The following MYH11 variants were observed in gnomAD, a reference collection of about 807,000 sequenced individuals.
MYH11 encodes myosin heavy chain 11.
Under a neutral mutation model 246.6 loss-of-function variants are expected in MYH11, and 80 were observed. The ratio of observed to expected loss-of-function variants is 0.32; its 90% CI spans 0.27 to 0.39. The LOEUF is 0.39. Ranked by LOEUF, MYH11 falls within the 10% of genes least tolerant of loss-of-function variation. The pLI, the probability that MYH11 is intolerant of heterozygous loss-of-function variation, is 1.00. For missense variants in MYH11, 2,158 were observed against 2,546.8 expected, an observed-to-expected ratio of 0.85 and a Z score of 3.29; for synonymous variants, 1,071 against 1,015.5, an observed-to-expected ratio of 1.05 and a Z score of -1.04.
chr16:15,846,233 C>T (rs2044186842), intron 1 of MYH11, among the ~76,000 whole-genome samples: 1 of 152,148 alleles, frequency 6.6e-6, no homozygotes, highest in African/African-American at 2.4e-5. Flanking sequence ...GCACCTGGCA[C>T]AGTACCTGAC....
At chr16:15,708,935 A>T in intron 40 of MYH11, 1 of 1,283,392 alleles carries the variant, frequency 7.8e-7, no homozygotes, top group Admixed American at 2.0e-5. Flanking sequence ...ATTTGCTTCG[A>T]TTTAATAATT....
chr16:15,726,603 G>A (rs535306189), intron 28 of MYH11: 15 of 583,444 alleles, frequency 2.6e-5, no homozygotes, highest in Admixed American at 1.7e-4. Flanking sequence ...CCTGACCTCA[G>A]GTGATCCACC....
chr16:15,781,920 A>C (rs2042363843), intron 6 of MYH11, among the ~76,000 whole-genome samples: 1 of 152,240 alleles, frequency 6.6e-6, no homozygotes, highest in Non-Finnish European at 1.5e-5. Context: ...GTAGGTACTT[A>C]CTAAGTATTT....
intron 3 of MYH11, among the ~76,000 whole-genome samples, chr16:15,812,259 C>T (rs1490730222): frequency 2.0e-5 from 3 of 152,122 alleles, no homozygotes; most frequent in Non-Finnish European, 4.4e-5. Flanking sequence ...TCTGTTTTCC[C>T]AGCTGTAAAA....
intron 4 of MYH11, among the ~76,000 whole-genome samples, chr16:15,788,891 T>C (rs956961424): frequency 1.7e-4 from 25 of 150,918 alleles, no homozygotes; most frequent in African/African-American, 5.9e-4. Context: ...ACGTTTATAA[T>C]AGCAGCTACT....
At chr16:15,719,015 C>T in intron 36 of MYH11, 1 of 621,838 alleles carries the variant, frequency 1.6e-6, no homozygotes, top group East Asian at 3.0e-5. Context: ...GTAGTCTCAG[C>T]TACTCAGAAG....
In MYH11 at chr16:15,704,108, G is replaced by A; in HGVS notation, c.5802C>T (p.Thr1934=). The part of the protein sequence containing the change: ...LKSKLRRGNE[T]SFVPSRRSGG... ...CAGACCTTCTAGAAGGAACGAAAGA[G>A]GTCTCGTTTCCTCGCCTGTGGGTTG... The change falls in exon 41 of 41, where the codon ACC becomes ACT. Residue 1934 remains threonine (T), a synonymous_variant. Transcript: ENST00000300036. The A allele has an allele frequency of 6.2e-7, 1 of 1,614,004 alleles. No homozygotes were observed. Among genetic ancestry groups the A allele is most frequent in the Non-Finnish European group, 8.5e-7 (1 of 1,179,994 alleles).
At chr16:15,710,435 C>A (rs565944532) in intron 40 of MYH11, among the ~76,000 whole-genome samples, 3 of 152,144 alleles carry the variant, frequency 2.0e-5, no homozygotes, top group Non-Finnish European at 4.4e-5. Flanking sequence ...GCAGGAGAAT[C>A]GCTTGAACCT....
At chr16:15,810,240 G>A (rs561182307) in intron 3 of MYH11, among the ~76,000 whole-genome samples, 2 of 151,778 alleles carry the variant, frequency 1.3e-5, no homozygotes, top group East Asian at 2.0e-4. Context: ...TCACTACATT[G>A]GCCAGGCTGG....
chr16:15,750,081 A>G lies in MYH11; in HGVS notation c.2058+57T>C, dbSNP rs1476857394. Reference sequence around the variant, plus strand: ...CAGAGGGCGCCCTGGGGACGCTGTGACCGCTTGGGACAGCCCTGGCTTCTG... The same window carrying G: ...CAGAGGGCGCCCTGGGGACGCTGTGGCCGCTTGGGACAGCCCTGGCTTCTG... On this transcript the variant is annotated intron_variant, in intron 16 of 40. Coordinates refer to ENST00000300036, the MANE Select transcript of MYH11 (RefSeq NM_002474.3). This position sits in a 1 kb window ranked among gnomAD's most constrained non-coding sequence, Gnocchi z 4.3. 6.2e-7 allele frequency: 1 copy of G among 1,603,656 alleles called. No homozygotes were observed. The highest frequency in any genetic ancestry group is 2.2e-5 in the East Asian group (1 of 44,604).
chr16:15,816,793 CA>C lies in MYH11; in HGVS notation c.502+6461del, dbSNP rs67390477. Among the ~76,000 whole-genome samples the C allele has an allele frequency of 2.9e-3, 399 of 138,318 alleles. 3 individuals carry two copies. The highest frequency in any genetic ancestry group is 0.027 in the East Asian group (125 of 4,610). 90.7% of individuals were successfully genotyped at this position (138,318 alleles called of 152,430 possible). A position where few individuals can be genotyped will look rare whatever the true frequency, so the allele number is the denominator to read the frequency against. ...TTTTCAGAGATATGGTGGTAAATAC[CA>C]AAAAAAAAAAAAATCAATTAAAGGA... On this transcript the variant is annotated intron_variant, in intron 3 of 40. Transcript: ENST00000300036.
chr16:15,809,688 C>T (rs533656197), intron 3 of MYH11, among the ~76,000 whole-genome samples: 6 of 152,168 alleles, frequency 3.9e-5, no homozygotes, highest in East Asian at 3.9e-4. Flanking sequence ...TTTGGGAGGC[C>T]GAGGTAGGTG....
chr16:15,773,797 CT>C (rs1844038312), intron 8 of MYH11, among the ~76,000 whole-genome samples: 1 of 152,202 alleles, frequency 6.6e-6, no homozygotes, highest in East Asian at 1.9e-4. Flanking sequence ...ACGTTTACTA[CT>C]GACCCTTTAG....
At chr16:15,734,112 G>A (rs1283846929) in intron 26 of MYH11, among the ~76,000 whole-genome samples, 1 of 152,138 alleles carries the variant, frequency 6.6e-6, no homozygotes, top group African/African-American at 2.4e-5. Context: ...GTTTGTTATT[G>A]TTTGTTCATT....
At chr16:15,839,494 A>C (rs920622777) in intron 1 of MYH11, among the ~76,000 whole-genome samples, 11 of 151,710 alleles carry the variant, frequency 7.3e-5, no homozygotes, top group Admixed American at 5.3e-4. Context: ...GGAGTTCAAG[A>C]CCAGCCTGGG....
chr16:15,806,208 C>G (rs980998991), intron 3 of MYH11, among the ~76,000 whole-genome samples: 4 of 136,406 alleles, frequency 2.9e-5, no homozygotes, highest in African/African-American at 1.1e-4. Context: ...ACCCAGGAGG[C>G]AGAGTTTGTG....
At chr16:15,725,294 G>A in intron 28 of MYH11, 1 of 573,200 alleles carries the variant, frequency 1.7e-6, no homozygotes, top group Non-Finnish European at 3.1e-6. Context: ...CCACTAAATG[G>A]ATCCTAGATC....
At chr16:15,835,720 G>A (rs1178440985) in intron 2 of MYH11, among the ~76,000 whole-genome samples, 1 of 150,942 alleles carries the variant, frequency 6.6e-6, no homozygotes, top group Non-Finnish European at 1.5e-5. Context: ...TCTATTTAGA[G>A]TAACCCACTC....
At chr16:15,714,780 A>C (rs2040023509) in intron 40 of MYH11, 129 bp downstream of exon 40, 8 of 1,179,494 alleles carry the variant, frequency 6.8e-6, no homozygotes, top group Non-Finnish European at 9.9e-6. Flanking sequence ...AAGGAGAAGC[A>C]GGAATAAACC....
Sources: gnomAD v4.1 joint callset for allele counts (sites outside exome capture counted in the v4.1 genomes callset) on GRCh38, gnomAD v4.1.1 for gene constraint, Gnocchi (gnomAD v3.1) non-coding constraint, MANE v1.5 for transcripts, NCBI Gene and HGNC (gene_info 2026-07-23, HGNC 2026-07-21) for gene names.